HERC2: variants seen among roughly 807,000 people sequenced by gnomAD.
HERC2 encodes HECT and RLD domain containing E3 ubiquitin protein ligase 2, also known as E3 ubiquitin-protein ligase HERC2.
In HERC2, 102 loss-of-function variants were observed where a neutral mutation model predicts 537.7. The ratio of observed to expected loss-of-function variants is 0.19; its 90% confidence interval spans 0.16 to 0.22. HERC2 has a LOEUF of 0.22. Ranked by LOEUF, HERC2 falls within the 10% of genes least tolerant of loss-of-function variation. The pLI, the probability that HERC2 is intolerant of heterozygous loss-of-function variation, is 1.00. For synonymous variants in HERC2, 2,224 were observed against 2,466.2 expected (o/e 0.90, Z 2.91); for missense variants, 4,236 against 6,198.2 (o/e 0.68, Z 10.63).
intron 2 of HERC2, among the ~76,000 whole-genome samples, chr15:28,314,721 A>C (rs1057113688): frequency 2.4e-4 from 36 of 151,890 alleles, no homozygotes; most frequent in Middle Eastern, 3.4e-3. Context: ...ATTAGCCAGG[A>C]ATGATGGTAC....
chr15:28,150,481 A>T (rs1195984618), intron 70 of HERC2, among the ~76,000 whole-genome samples: 1 of 152,012 alleles, frequency 6.6e-6, no homozygotes, highest in Non-Finnish European at 1.5e-5. Context: ...TTACCAAAAA[A>T]ACACACGCAG....
intron 4 of HERC2, among the ~76,000 whole-genome samples, chr15:28,282,431 A>G (rs1171033339): frequency 6.6e-6 from 1 of 152,212 alleles, no homozygotes; most frequent in Admixed American, 6.5e-5. Flanking sequence ...AATTACAAAC[A>G]CATGTGAAAT....
intron 2 of HERC2, among the ~76,000 whole-genome samples, chr15:28,307,277 C>A (rs1287573585): frequency 6.6e-6 from 1 of 152,218 alleles, no homozygotes; most frequent in Non-Finnish European, 1.5e-5. Context: ...TTTCTCTTAG[C>A]CTGCCTGAAG....
In HERC2 at chr15:28,214,792, A is replaced by G; in HGVS notation, c.6221T>C (p.Val2074Ala). 3 of 1,611,618 alleles carry G rather than the reference A, an allele frequency of 1.9e-6. No individual in the cohort carries two copies. Among genetic ancestry groups the G allele is most frequent in the Non-Finnish European group, 2.5e-6 (3 of 1,179,462 alleles). Residue 2074 changes from valine to alanine, a missense_variant, in exon 40 of 93, where the codon GTG becomes GCG. By Grantham distance (64) the Val-to-Ala change is moderately conservative. Coordinates refer to ENST00000261609, the MANE Select transcript of HERC2 (RefSeq NM_004667.6). ...TGGAAGGACTGCTTGCAACAAATGCACAGCTAAGATCTGATAAAAGAAAAT... is the reference window on the plus strand; with the variant it reads ...TGGAAGGACTGCTTGCAACAAATGCGCAGCTAAGATCTGATAAAAGAAAAT... ...ATSLQRQILA[V>A]HLLQAVLPSW...
chr15:28,151,474 A>T (rs1481968022), intron 70 of HERC2, among the ~76,000 whole-genome samples: 1 of 152,188 alleles, frequency 6.6e-6, no homozygotes, highest in Non-Finnish European at 1.5e-5. Flanking sequence ...ATCTCTAAAC[A>T]AATAAATACA....
Position 28,297,028 on chromosome 15 carries a change from T to C in HERC2, c.187+2374A>G, listed in dbSNP as rs756356830. 1.8e-3 allele frequency among the ~76,000 whole-genome samples: 267 copies of C among 152,238 alleles called. 1 individual carries two copies. The highest frequency in any genetic ancestry group is 2.2e-3 in the Non-Finnish European group (150 of 68,048). ...CGGGCATACGCACGAAAGATAAAAA[T>C]GAACAGATGTGACTTTGAAGGGCCT... On this transcript the variant is annotated intron_variant, in intron 3 of 92. Transcript: ENST00000261609.
rs1044825788 is a variant in HERC2 at position 28,112,801 on chromosome 15, G to A, written c.14232+270C>T. Reference sequence around the variant, plus strand: ...CCAGATAACTGAATGAGTGCTTTACGTGTGTTTGAAATCTAGAGCAGGCTG... The same window carrying A: ...CCAGATAACTGAATGAGTGCTTTACATGTGTTTGAAATCTAGAGCAGGCTG... On this transcript the variant is annotated intron_variant, in intron 92 of 92. Transcript: ENST00000261609. Among the ~76,000 whole-genome samples the A allele has an allele frequency of 3.9e-5, 6 of 152,192 alleles. No homozygotes were observed. The East Asian group carries it at 7.7e-4, about 20-fold the overall frequency.
At chr15:28,148,155 T>C (rs549205981) in intron 70 of HERC2, among the ~76,000 whole-genome samples, 3 of 149,916 alleles carry the variant, frequency 2.0e-5, no homozygotes, top group East Asian at 2.0e-4. Context: ...TCAAAACAAA[T>C]TGAGTGAAAT....
Position 28,299,249 on chromosome 15 carries a change from C to T in HERC2, c.187+153G>A, listed in dbSNP as rs530793191. 9.9e-5 allele frequency among the ~76,000 whole-genome samples: 15 copies of T among 152,122 alleles called. No individual in the cohort carries two copies. Among genetic ancestry groups the T allele is most frequent in the Non-Finnish European group, 1.9e-4 (13 of 68,034 alleles). ...ATAAAATCCGAGCAGCTTGTATTAA[C>T]TACCATTTTAGACAACAATCTCCAA... On this transcript the variant is annotated intron_variant, in intron 3 of 92. Coordinates refer to ENST00000261609, the MANE Select transcript of HERC2 (RefSeq NM_004667.6).
chr15:28,261,709 C>G (rs1338138376), intron 15 of HERC2, among the ~76,000 whole-genome samples: 1 of 152,138 alleles, frequency 6.6e-6, no homozygotes, highest in Non-Finnish European at 1.5e-5. Context: ...AATTCAAATA[C>G]CATTCAATGA....
intron 4 of HERC2, among the ~76,000 whole-genome samples, chr15:28,291,418 T>C (rs531642526): frequency 6.6e-6 from 1 of 152,226 alleles, no homozygotes; most frequent in South Asian, 2.1e-4. Context: ...TATGTACATT[T>C]ACATATGTAT....
At chr15:28,298,628 T>C (rs2076536200) in intron 3 of HERC2, 1 of 151,104 alleles carries the variant, frequency 6.6e-6, no homozygotes, top group Admixed American at 6.6e-5. Flanking sequence ...ACCCTGTCTC[T>C]ACTAAAAAAT....
rs776993121 is a variant in HERC2 at position 28,245,919 on chromosome 15, C to T, written c.3539G>A (p.Arg1180Gln). The T allele has an allele frequency of 1.3e-5, 21 of 1,613,966 alleles. No individual in the cohort carries two copies. Among genetic ancestry groups the T allele is most frequent in the Admixed American group, 5.0e-5 (3 of 59,996 alleles). ...RFNHLAPGKE[R>Q]DDHEELAWPG... Reference sequence around the variant, plus strand: ...CCAGGCTAACTCTTCATGATCATCCCGTTCCTTTCCTGGTGCCAGATGGTT... The same window carrying T: ...CCAGGCTAACTCTTCATGATCATCCTGTTCCTTTCCTGGTGCCAGATGGTT... The change falls in exon 23 of 93, where the codon CGG becomes CAG. Residue 1180 changes from arginine (R) to glutamine (Q), a missense_variant. Coordinates refer to ENST00000261609, the MANE Select transcript of HERC2 (RefSeq NM_004667.6).
chr15:28,305,680 G>A (rs10459717), intron 2 of HERC2, among the ~76,000 whole-genome samples: 3 of 127,062 alleles, frequency 2.4e-5, no homozygotes, highest in Non-Finnish European at 5.1e-5. Context: ...TGACAAATGG[G>A]ATCTAATTAA....
rs1030505663 is a variant in HERC2, at chr15:28,122,722, C to T, written c.13189-1293G>A. Among the ~76,000 whole-genome samples the T allele has an allele frequency of 6.6e-6, 1 of 152,098 alleles. No individual in the cohort carries two copies. The highest frequency in any genetic ancestry group is 2.4e-5 in the African/African-American group (1 of 41,408). On this transcript the variant is annotated intron_variant, in intron 85 of 92. Transcript: ENST00000261609. This position sits in a 1 kb window ranked among gnomAD's most constrained non-coding sequence, Gnocchi z 4.1. ...TCCTCACCATAACCAGGACCAGAAC[C>T]GAGGCTGCCTACACATTCCCTGACC...
In HERC2 at chr15:28,143,863, T is replaced by C; in HGVS notation, c.11418+10A>G. The C allele has an allele frequency of 6.2e-7, 1 of 1,614,140 alleles. No individual in the cohort carries two copies. Among genetic ancestry groups the C allele is most frequent in the African/African-American group, 1.3e-5 (1 of 75,040 alleles). On this transcript the variant is annotated intron_variant, in intron 74 of 92. Transcript: ENST00000261609. ...CACAAATCTAGAAATTGTACTAGAATGCTCCATACCAAAGCTCTTGTTTCC... is the reference window on the plus strand; with the variant it reads ...CACAAATCTAGAAATTGTACTAGAACGCTCCATACCAAAGCTCTTGTTTCC...
chr15:28,269,021 G>A (rs188498396), intron 11 of HERC2, among the ~76,000 whole-genome samples: 4 of 152,298 alleles, frequency 2.6e-5, no homozygotes, highest in East Asian at 1.9e-4. Flanking sequence ...GTTTACAAAC[G>A]GGAATCTCAC....
In HERC2 at chr15:28,272,110, C is replaced by T. The variant is rs138210389; in HGVS notation, c.1083+105G>A. ...CTCGCTGCTATTACCACCAAACACA[C>T]ACACGCCAGAGAAAAACACTGCCGT... On this transcript the variant is annotated intron_variant, in intron 9 of 92. Transcript: ENST00000261609. 126 of 1,051,034 alleles carry T rather than the reference C, an allele frequency of 1.2e-4. No individual in the cohort carries two copies. In the African/African-American group the frequency reaches 1.9e-3, roughly 16 times the overall value. 65.1% of individuals were successfully genotyped at this position (1,051,034 alleles called of 1,614,324 possible).
In HERC2 at chr15:28,176,088, GT is replaced by G. The variant is rs1895263625; in HGVS notation, c.9686+339del. ...AAATAAGCTTTTACAAGAAACACAT[GT>G]TAACTTTTTCAGGATCAAAGGATTC... On this transcript the variant is annotated intron_variant, in intron 63 of 92. Coordinates refer to ENST00000261609, the MANE Select transcript of HERC2 (RefSeq NM_004667.6). The surrounding 1 kb of genome is among the most constrained non-coding windows in gnomAD (Gnocchi z 5.0). Among the ~76,000 whole-genome samples the G allele has an allele frequency of 6.6e-6, 1 of 152,136 alleles. No individual in the cohort carries two copies. The highest frequency in any genetic ancestry group is 1.5e-5 in the Non-Finnish European group (1 of 68,016).
Sources: allele counts gnomAD v4.1 joint callset (sites outside exome capture counted in the v4.1 genomes callset), GRCh38; gene constraint gnomAD v4.1.1; non-coding constraint Gnocchi (gnomAD v3.1); transcripts MANE v1.5; gene names NCBI Gene and HGNC (gene_info 2026-07-23, HGNC 2026-07-21).